The following PLEKHA7 variants were observed in gnomAD, a reference collection of about 807,000 sequenced individuals.
The protein encoded by PLEKHA7 is pleckstrin homology domain-containing family A member 7.
PLEKHA7 carries 104 observed loss-of-function variants against 170.0 expected under a neutral mutation model. The ratio of observed to expected loss-of-function variants is 0.61; its 90% CI spans 0.52 to 0.72. PLEKHA7 has a LOEUF of 0.72. Among genes scored for constraint, PLEKHA7 ranks in the 30% least tolerant of loss-of-function variants. The pLI is 0.00. For missense variants in PLEKHA7, 1,615 were observed against 1,671.7 expected, an observed-to-expected ratio of 0.97 and a Z score of 0.59; for synonymous variants, 648 against 660.8, an observed-to-expected ratio of 0.98 and a Z score of 0.30.
At position 17,013,973 on chromosome 11, in the gene PLEKHA7, G is replaced by T. The variant is rs529463905; in HGVS notation, c.221+16C>A. 6.5e-7 allele frequency: 1 copy of T among 1,532,638 alleles called. No individual in the cohort carries two copies. Among genetic ancestry groups the T allele is most frequent in the Non-Finnish European group, 8.8e-7 (1 of 1,140,764 alleles). 94.9% of individuals were successfully genotyped at this position (1,532,638 alleles called of 1,614,324 possible). On this transcript the variant is annotated intron_variant, in intron 3 of 26. Transcript: ENST00000531066. ...CCCGCGGCACAGGTGCGAGCGCGGC[G>T]GCCCCACTCACTCACTCGATGAAGT... is the stretch of plus-strand genomic sequence containing the variant.
intron 3 of PLEKHA7, among the ~76,000 whole-genome samples, chr11:16,910,840 C>T (rs1351284236): frequency 1.3e-5 from 2 of 152,236 alleles, no homozygotes; most frequent in South Asian, 2.1e-4. Flanking sequence ...GAACAAAGCT[C>T]CATACAAATA....
chr11:16,854,792 AGCTTAT>A lies in PLEKHA7; in HGVS notation c.522+91_522+96del, dbSNP rs1853290076. The A allele has an allele frequency of 2.9e-6, 3 of 1,022,848 alleles. No homozygotes were observed. In the African/African-American group the frequency reaches 4.8e-5, roughly 16 times the overall value. 63.4% of individuals were successfully genotyped at this position (1,022,848 alleles called of 1,614,324 possible). ...GCCTCAGACAAACTCAGGAACAGAA[AGCTTAT>A]GTGCCCATCCCTAGCTTCCTGGTGC... On this transcript the variant is annotated intron_variant, in intron 6 of 26. Coordinates refer to ENST00000531066, the MANE Select transcript of PLEKHA7 (RefSeq NM_001329630.2).
intron 3 of PLEKHA7, among the ~76,000 whole-genome samples, chr11:16,899,528 T>C (rs970494343): frequency 2.0e-5 from 3 of 151,936 alleles, no homozygotes; most frequent in Non-Finnish European, 2.9e-5. Context: ...AAGGAGAAAA[T>C]ATGTTAATAA....
chr11:16,931,766 CCAAA>C (rs1298761784), intron 3 of PLEKHA7, among the ~76,000 whole-genome samples: 1 of 137,116 alleles, frequency 7.3e-6, no homozygotes, highest in African/African-American at 2.8e-5. Context: ...CCCCCCCCCC[CCAAA>C]AAAAAAAAAG....
chr11:17,000,945 G>A (rs150975946), intron 3 of PLEKHA7, among the ~76,000 whole-genome samples: 1 of 152,174 alleles, frequency 6.6e-6, no homozygotes, highest in Non-Finnish European at 1.5e-5. Flanking sequence ...TACTAGTGAA[G>A]GATTTTATCT....
At chr11:16,850,094 C>T (rs148530925) in intron 8 of PLEKHA7, among the ~76,000 whole-genome samples, 2 of 152,322 alleles carry the variant, frequency 1.3e-5, no homozygotes, top group African/African-American at 4.8e-5. Context: ...CCATGGACAC[C>T]ACAGACCAAC....
intron 3 of PLEKHA7, among the ~76,000 whole-genome samples, chr11:17,008,466 T>C (rs1452647573): frequency 6.6e-6 from 1 of 152,206 alleles, no homozygotes; most frequent in Non-Finnish European, 1.5e-5. Context: ...CCAAGAAGCC[T>C]GGGTCTAGGC....
chr11:16,804,128 T>C (rs893498036), intron 13 of PLEKHA7, among the ~76,000 whole-genome samples: 1 of 152,206 alleles, frequency 6.6e-6, no homozygotes, highest in Non-Finnish European at 1.5e-5. Flanking sequence ...CCAAAAGTCA[T>C]GCAGGGGCTG....
intron 4 of PLEKHA7, among the ~76,000 whole-genome samples, chr11:16,864,462 T>C (rs986788624): frequency 6.6e-6 from 1 of 152,194 alleles, no homozygotes; most frequent in Non-Finnish European, 1.5e-5. Flanking sequence ...TTCTAGATCT[T>C]GAAACAAGGG....
At position 17,014,378 on chromosome 11, in the gene PLEKHA7, C is replaced by A; in HGVS notation, c.24G>T (p.Arg8=). The A allele has an allele frequency of 7.2e-7, 1 of 1,389,386 alleles. No individual in the cohort carries two copies. Among genetic ancestry groups the A allele is most frequent in the Non-Finnish European group, 9.4e-7 (1 of 1,062,084 alleles). 86.1% of individuals were successfully genotyped at this position (1,389,386 alleles called of 1,614,324 possible). A position where few individuals can be genotyped will look rare whatever the true frequency, so the allele number is the denominator to read the frequency against. The change falls in exon 1 of 27, where the codon CGG becomes CGT. Residue 8 remains arginine, a synonymous_variant. Coordinates refer to ENST00000531066, the MANE Select transcript of PLEKHA7 (RefSeq NM_001329630.2). ...AGGACCAATGCTCAGGTAAAGTGTC[C>A]CGCCCGACCGTCGCCGCCGCCATGT... MAAATVG[R]DTLPEHWSYG...
At chr11:16,843,879 A>G (rs373266) in intron 8 of PLEKHA7, among the ~76,000 whole-genome samples, 15,967 of 152,226 alleles carry the variant, frequency 0.1, 909 homozygotes, top group East Asian at 0.16. Flanking sequence ...GGAGGTTGCA[A>G]TGAGTTGAGA....
chr11:16,889,088 A>T (rs1280050932), intron 3 of PLEKHA7, among the ~76,000 whole-genome samples: 6 of 151,820 alleles, frequency 4.0e-5, no homozygotes, highest in Non-Finnish European at 5.9e-5. Flanking sequence ...ACCACAAAAG[A>T]AGTAAAACAG....
chr11:16,888,204 G>A (rs1309093224), intron 3 of PLEKHA7, among the ~76,000 whole-genome samples: 2 of 151,958 alleles, frequency 1.3e-5, no homozygotes, highest in African/African-American at 2.4e-5. Flanking sequence ...CCCAGCAGCC[G>A]CCCCATCTGG....
intron 3 of PLEKHA7, among the ~76,000 whole-genome samples, chr11:16,920,162 T>G (rs1337473029): frequency 2.6e-5 from 4 of 152,246 alleles, no homozygotes; most frequent in Non-Finnish European, 5.9e-5. Flanking sequence ...GAAATGTTTG[T>G]TATTACTACT....
Position 16,820,991 on chromosome 11 carries a change from C to T in PLEKHA7, c.1344-3669G>A, listed in dbSNP as rs1159972814. Among the ~76,000 whole-genome samples, 4 of 152,136 alleles carry T rather than the reference C, an allele frequency of 2.6e-5. No individual in the cohort carries two copies. In the South Asian group the frequency reaches 6.2e-4, roughly 24 times the overall value. ...AGTGGGTGCTTCCAGAGCAGCTTTG[C>T]CCCTAACAGCAGATCCATTTGCTGG... is the stretch of plus-strand genomic sequence containing the variant. On this transcript the variant is annotated intron_variant, in intron 10 of 26. Coordinates refer to ENST00000531066, the MANE Select transcript of PLEKHA7 (RefSeq NM_001329630.2).
At chr11:16,943,128 C>A (rs1184103076) in intron 3 of PLEKHA7, among the ~76,000 whole-genome samples, 2 of 152,116 alleles carry the variant, frequency 1.3e-5, no homozygotes, top group African/African-American at 4.8e-5. Context: ...AAGCCACATA[C>A]GCAATTTCGA....
At chr11:16,799,708 C>T (rs1034977118) in intron 17 of PLEKHA7, among the ~76,000 whole-genome samples, 2 of 152,130 alleles carry the variant, frequency 1.3e-5, no homozygotes, top group Non-Finnish European at 2.9e-5. Flanking sequence ...CAAGTCATTA[C>T]GGTAAATGCT....
chr11:16,859,421 T>C (rs982616270), intron 4 of PLEKHA7, among the ~76,000 whole-genome samples: 8 of 152,254 alleles, frequency 5.3e-5, no homozygotes, highest in African/African-American at 1.4e-4. Context: ...GTTATCCATA[T>C]GAAAAAAGTC....
intron 3 of PLEKHA7, among the ~76,000 whole-genome samples, chr11:16,972,046 C>T (rs780827250): frequency 1.3e-4 from 20 of 152,038 alleles, no homozygotes; most frequent in Non-Finnish European, 2.6e-4. Flanking sequence ...TGGTCTTGGA[C>T]TCCAGGCCTC....
Sources: allele counts gnomAD v4.1 joint callset (sites outside exome capture counted in the v4.1 genomes callset), GRCh38; gene constraint gnomAD v4.1.1; transcripts MANE v1.5; gene names NCBI Gene and HGNC (gene_info 2026-07-23, HGNC 2026-07-21).